DPCD: variants seen among roughly 807,000 people sequenced by gnomAD.
DPCD encodes protein DPCD.
Under a neutral mutation model 26.4 loss-of-function variants are expected in DPCD, and 20 were observed. That is an observed-to-expected ratio of 0.76 (90% CI 0.53 to 1.10). DPCD has a LOEUF of 1.10. DPCD is among the 50% of genes least tolerant of loss of function. The pLI, the probability that DPCD is intolerant of heterozygous loss-of-function variation, is 0.00. For missense variants in DPCD, 202 were observed against 253.9 expected (o/e 0.80, Z 1.39); for synonymous variants, 97 against 94.2 (o/e 1.03, Z -0.17).
In DPCD at chr10:101,603,754, C is replaced by T. The variant is rs1282894189; in HGVS notation, c.404+2418C>T. 2.8e-5 allele frequency among the ~76,000 whole-genome samples: 4 copies of T among 143,750 alleles called. No individual in the cohort carries two copies. The highest frequency in any genetic ancestry group is 4.6e-5 in the Non-Finnish European group (3 of 65,786). The allele number at this position is 143,750 out of a possible 152,430, so 94.3% of individuals were successfully genotyped here. A position where few individuals can be genotyped will look rare whatever the true frequency, so the allele number is the denominator to read the frequency against. On this transcript the variant is annotated intron_variant, in intron 4 of 5. Coordinates refer to ENST00000370151, the MANE Select transcript of DPCD (RefSeq NM_015448.3). This position sits in a 1 kb window ranked among gnomAD's most constrained non-coding sequence, Gnocchi z 4.6. The stretch of plus-strand genomic sequence containing the variant: ...CCTGGGTGACAGAGTGAGACTCCAT[C>T]TCAAAAAAAAAAAAAGAGATGGAGT...
intron 4 of DPCD, among the ~76,000 whole-genome samples, chr10:101,607,558 G>A (rs942215688): frequency 1.4e-4 from 21 of 152,278 alleles, no homozygotes; most frequent in African/African-American, 3.9e-4. Flanking sequence ...TCTGTTGAAC[G>A]GAGGGATTTG....
rs1481905265 is a variant in DPCD, at chr10:101,589,137, TAAC to T, written c.64+741_64+743del. 5.9e-5 allele frequency among the ~76,000 whole-genome samples: 9 copies of T among 152,228 alleles called. No individual in the cohort carries two copies. In the East Asian group the frequency reaches 1.5e-3, roughly 26 times the overall value. The stretch of plus-strand genomic sequence containing the variant: ...TCTGAAGTTCCTGAGGCTTTCAAGA[TAAC>T]AACTGGTGACTCATGTTCACAGGCA... On this transcript the variant is annotated intron_variant, in intron 1 of 5. Coordinates refer to ENST00000370151, the MANE Select transcript of DPCD (RefSeq NM_015448.3).
Position 101,609,425 on chromosome 10 carries a change from A to C in DPCD, c.566A>C (p.Lys189Thr). The change falls in exon 6 of 6, where the codon AAG (lysine) becomes ACG (threonine). Residue 189 changes from lysine (K) to threonine (T), a missense_variant. Lys to Thr is a moderately conservative substitution (Grantham distance 78, BLOSUM62 -1). Coordinates refer to ENST00000370151, the MANE Select transcript of DPCD (RefSeq NM_015448.3). Reference protein sequence around the residue: ...AESELQKELKKVKTAHSNDGD... With the variant: ...AESELQKELKTVKTAHSNDGD... ...TCTGAGCTACAGAAGGAACTAAAGA[A>C]GGTGAAGACAGCCCACAGCAACGAT... The C allele has an allele frequency of 6.2e-7, 1 of 1,614,172 alleles. No homozygotes were observed. The highest frequency in any genetic ancestry group is 1.1e-5 in the South Asian group (1 of 91,064).
At chr10:101,588,795 C>A in intron 1 of DPCD, 5 of 554,612 alleles carry the variant, frequency 9.0e-6, no homozygotes, top group African/African-American at 4.1e-5. Flanking sequence ...TCCGACTGTG[C>A]CATTAATTCA....
At chr10:101,588,536 T>G in intron 1 of DPCD, 136 bp downstream of exon 1, 1 of 1,470,190 alleles carries the variant, frequency 6.8e-7, no homozygotes, top group South Asian at 1.3e-5. Flanking sequence ...CATTTGCAGA[T>G]GAGGAGACTG....
intron 2 of DPCD, among the ~76,000 whole-genome samples, chr10:101,597,351 T>C (rs2134763562): frequency 6.6e-6 from 1 of 152,352 alleles, no homozygotes; most frequent in Non-Finnish European, 1.5e-5. Flanking sequence ...AATTGCCACA[T>C]AGCAATGTTG....
chr10:101,590,734 A>G (rs553380123), intron 1 of DPCD, among the ~76,000 whole-genome samples: 1 of 152,122 alleles, frequency 6.6e-6, no homozygotes, highest in South Asian at 2.1e-4. Flanking sequence ...ATGTGCCACT[A>G]CACTCAGCTC....
At chr10:101,590,268 C>G (rs1201223449) in intron 1 of DPCD, among the ~76,000 whole-genome samples, 1 of 151,992 alleles carries the variant, frequency 6.6e-6, no homozygotes, top group Non-Finnish European at 1.5e-5. Context: ...AGGTACTATT[C>G]TAGGTGCCAG....
chr10:101,609,122 A>G (rs1380659500), intron 5 of DPCD, 185 bp downstream of exon 5: 3 of 653,298 alleles, frequency 4.6e-6, no homozygotes, highest in Non-Finnish European at 5.3e-6. Context: ...GAGCCTGACC[A>G]TATAATTCAC....
intron 2 of DPCD, among the ~76,000 whole-genome samples, chr10:101,598,863 G>A (rs943083705): frequency 7.9e-5 from 12 of 152,110 alleles, no homozygotes; most frequent in East Asian, 7.7e-4. Flanking sequence ...CAGGTGATCC[G>A]CCCGCCTTGG....
chr10:101,596,374 G>A (rs149127206), intron 2 of DPCD, among the ~76,000 whole-genome samples: 1 of 152,290 alleles, frequency 6.6e-6, no homozygotes, highest in East Asian at 1.9e-4. Context: ...AAAGCCCTAT[G>A]AGGTAGATAC....
chr10:101,606,559 C>T (rs192860777), intron 4 of DPCD, among the ~76,000 whole-genome samples: 3 of 152,230 alleles, frequency 2.0e-5, no homozygotes, highest in Admixed American at 6.5e-5. Context: ...TCAAGTGATC[C>T]TCCCACCTCA....
intron 1 of DPCD, among the ~76,000 whole-genome samples, chr10:101,592,954 C>T (rs1298764455): frequency 6.6e-6 from 1 of 150,768 alleles, no homozygotes; most frequent in East Asian, 1.9e-4. Flanking sequence ...GCAGAGGTTG[C>T]AGTGAGCCGA....
chr10:101,608,981 C>A, intron 5 of DPCD, 44 bp downstream of exon 5: 1 of 1,467,886 alleles, frequency 6.8e-7, no homozygotes, highest in Non-Finnish European at 9.5e-7. Context: ...CAGGGAGAGT[C>A]TTCCTCTTTC....
At position 101,588,372 on chromosome 10, in the gene DPCD, A is replaced by C; in HGVS notation, c.36A>C (p.Thr12=). Residue 12 remains threonine, a synonymous_variant, in exon 1 of 6, where the codon ACA becomes ACC. Transcript: ENST00000370151. ...AVTGWLESLR[T]AQKTALLQDG... is the part of the protein sequence containing the mutation. ...CGGGCTGGTTGGAGAGTCTGCGGAC[A>C]GCCCAGAAGACTGCGCTGCTGCAGG... The C allele has an allele frequency of 6.3e-7, 1 of 1,593,890 alleles. No individual in the cohort carries two copies. Among genetic ancestry groups the C allele is most frequent in the Non-Finnish European group, 8.6e-7 (1 of 1,166,872 alleles).
At chr10:101,591,806 TGA>T (rs1021633585) in intron 1 of DPCD, among the ~76,000 whole-genome samples, 1 of 152,034 alleles carries the variant, frequency 6.6e-6, no homozygotes, top group Non-Finnish European at 1.5e-5. Context: ...CTCAGTCTCC[TGA>T]GTAGCTGGGA....
intron 1 of DPCD, among the ~76,000 whole-genome samples, chr10:101,593,041 A>G (rs916251104): frequency 1.4e-5 from 2 of 147,628 alleles, no homozygotes; most frequent in Non-Finnish European, 3.0e-5. Context: ...TTCCTCATCT[A>G]TGAAATACAG....
intron 4 of DPCD, among the ~76,000 whole-genome samples, chr10:101,607,042 C>T (rs899033402): frequency 5.3e-5 from 8 of 152,170 alleles, no homozygotes; most frequent in Non-Finnish European, 1.0e-4. Context: ...AGCTATGCAC[C>T]TAAAGTTCCC....
chr10:101,604,973 T>A (rs1449354348), intron 4 of DPCD, among the ~76,000 whole-genome samples: 1 of 152,142 alleles, frequency 6.6e-6, no homozygotes, highest in Non-Finnish European at 1.5e-5. Context: ...TGTGGTTAAA[T>A]AAATTTAAGA....
Sources: allele counts gnomAD v4.1 joint callset (sites outside exome capture counted in the v4.1 genomes callset), GRCh38; gene constraint gnomAD v4.1.1; non-coding constraint Gnocchi (gnomAD v3.1); transcripts MANE v1.5; gene names NCBI Gene and HGNC (gene_info 2026-07-23, HGNC 2026-07-21).